Variants in RORA observed in about 807,000 individuals in gnomAD.
The protein encoded by RORA is RAR related orphan receptor A.
Under a neutral mutation model 69.5 loss-of-function variants are expected in RORA, and 7 were observed. The observed-to-expected ratio is 0.10, with a 90% confidence interval of 0.06 to 0.19. The LOEUF (loss-of-function observed/expected upper bound fraction) is 0.19. Ranked by LOEUF, RORA falls within the 10% of genes least tolerant of loss-of-function variation. RORA has a pLI of 1.00. For missense variants in RORA, 457 were observed against 663.0 expected, an observed-to-expected ratio of 0.69 and a Z score of 3.41; for synonymous variants, 261 against 240.8, an observed-to-expected ratio of 1.08 and a Z score of -0.78.
chr15:60,500,053 A>G, intron 9 of RORA, 49 bp from the exon 10 acceptor site: 1 of 1,154,116 alleles, frequency 8.7e-7, no homozygotes, highest in Non-Finnish European at 1.3e-6. Flanking sequence ...ACATGGTGTC[A>G]GGATCCTTCT....
chr15:60,850,218 C>T (rs1359729234), intron 1 of RORA, among the ~76,000 whole-genome samples: 4 of 152,152 alleles, frequency 2.6e-5, no homozygotes, highest in Non-Finnish European at 5.9e-5. Context: ...AAATAACATG[C>T]AGCTCCTCCA....
At chr15:60,668,524 T>C (rs1445851438) in intron 2 of RORA, among the ~76,000 whole-genome samples, 1 of 152,112 alleles carries the variant, frequency 6.6e-6, no homozygotes, top group Non-Finnish European at 1.5e-5. Context: ...GTTAAGTTAT[T>C]AGGAAGTTTC....
chr15:60,938,733 T>TA (rs989274138), intron 1 of RORA, among the ~76,000 whole-genome samples: 18 of 69,490 alleles, frequency 2.6e-4, no homozygotes, highest in South Asian at 1.7e-3. Flanking sequence ...AGACCTCATC[T>TA]AAAAAAAATT....
intron 2 of RORA, among the ~76,000 whole-genome samples, chr15:60,663,754 C>T (rs1246629115): frequency 6.6e-6 from 1 of 152,146 alleles, no homozygotes; most frequent in African/African-American, 2.4e-5. Flanking sequence ...CACACCTGGC[C>T]ACAATATGAG....
intron 3 of RORA, among the ~76,000 whole-genome samples, chr15:60,516,053 A>ATTTATATATATT (rs2065897810): frequency 5.1e-5 from 1 of 19,490 alleles, no homozygotes; most frequent in Non-Finnish European, 8.2e-5. Flanking sequence ...ATATTTATAT[A>ATTTATATATATT]TATTTATATA....
At chr15:60,556,546 T>C (rs529324754) in intron 2 of RORA, among the ~76,000 whole-genome samples, 1 of 152,320 alleles carries the variant, frequency 6.6e-6, no homozygotes, top group Admixed American at 6.5e-5. Context: ...CTATTCTGAG[T>C]GTCCAGGCTA....
chr15:61,035,166 C>T (rs77560566), intron 1 of RORA, among the ~76,000 whole-genome samples: 1 of 151,902 alleles, frequency 6.6e-6, no homozygotes. Flanking sequence ...CATTTTTTTC[C>T]CCTTCCAGCC....
At chr15:61,142,158 T>G (rs950765786) in intron 1 of RORA, among the ~76,000 whole-genome samples, 1 of 149,942 alleles carries the variant, frequency 6.7e-6, no homozygotes, top group East Asian at 2.0e-4. Context: ...TTTTTTTTTT[T>G]ATTGTTGTTA....
intron 2 of RORA, among the ~76,000 whole-genome samples, chr15:60,656,040 A>T (rs2070216638): frequency 6.6e-6 from 1 of 152,234 alleles, no homozygotes; most frequent in Non-Finnish European, 1.5e-5. Context: ...AAACTGGAGA[A>T]ATTTAGATGA....
At chr15:60,630,982 TG>T (rs1032929054) in intron 2 of RORA, among the ~76,000 whole-genome samples, 2 of 143,268 alleles carry the variant, frequency 1.4e-5, no homozygotes. Flanking sequence ...CTCCACCTCC[TG>T]GGTTCAAGCG....
rs376761554 is a variant in RORA at position 60,600,263 on chromosome 15, C to A, written c.197-68412G>T. Among the ~76,000 whole-genome samples the A allele has an allele frequency of 3.3e-4, 50 of 152,324 alleles. 3 individuals are homozygous for A. The South Asian group carries it at 9.5e-3, about 29-fold the overall frequency. ...GGGCTTCATTGGGAAATCCAAATCT[C>A]GCAGCTAGGAGCGTTCCAGGAGCAA... On this transcript the variant is annotated intron_variant, in intron 2 of 10. Transcript: ENST00000335670.
At chr15:60,927,402 T>C (rs1892249310) in intron 1 of RORA, among the ~76,000 whole-genome samples, 1 of 152,226 alleles carries the variant, frequency 6.6e-6, no homozygotes, top group South Asian at 2.1e-4. Flanking sequence ...CATTATTAAA[T>C]AACACTTCTT....
chr15:60,624,128 G>T (rs1295952081), intron 2 of RORA, among the ~76,000 whole-genome samples: 1 of 152,090 alleles, frequency 6.6e-6, no homozygotes, highest in Non-Finnish European at 1.5e-5. Context: ...CATGAGGCCA[G>T]GCTGTGCTTT....
chr15:60,749,682 A>G (rs1299996042), intron 1 of RORA, among the ~76,000 whole-genome samples: 1 of 152,154 alleles, frequency 6.6e-6, no homozygotes, highest in Non-Finnish European at 1.5e-5. Context: ...CTGTTCCCTG[A>G]TTTTAGGCAC....
chr15:60,726,752 T>C (rs1399141261), intron 1 of RORA, among the ~76,000 whole-genome samples: 1 of 152,072 alleles, frequency 6.6e-6, no homozygotes, highest in Non-Finnish European at 1.5e-5. Context: ...GGTTAATAGC[T>C]CATAAAATAA....
chr15:60,535,010 G>A (rs1007343375), intron 2 of RORA, among the ~76,000 whole-genome samples: 1 of 152,206 alleles, frequency 6.6e-6, no homozygotes. Flanking sequence ...GAAGGAGGAA[G>A]ACAAAAATCC....
rs1349830599 is a variant in RORA at position 61,128,476 on chromosome 15, A to G, written c.166+100577T>C. On this transcript the variant is annotated intron_variant, in intron 1 of 10. Coordinates refer to ENST00000335670, the MANE Select transcript of RORA (RefSeq NM_134261.3). This position sits in a 1 kb window ranked among gnomAD's most constrained non-coding sequence, Gnocchi z 4.5. ...GGCCAGTCACTGGAATTCCCTGGGCATCCACACAAATGAATATAATTACAG... is the reference window on the plus strand; with the variant it reads ...GGCCAGTCACTGGAATTCCCTGGGCGTCCACACAAATGAATATAATTACAG... Among the ~76,000 whole-genome samples the G allele has an allele frequency of 1.3e-5, 2 of 152,174 alleles. No homozygotes were observed. Among genetic ancestry groups the G allele is most frequent in the African/African-American group, 2.4e-5 (1 of 41,436 alleles).
chr15:60,832,021 G>A (rs7175883), intron 1 of RORA, among the ~76,000 whole-genome samples: 15,761 of 152,176 alleles, frequency 0.1, 1,874 homozygotes, highest in African/African-American at 0.29. Flanking sequence ...TCAGCCACAC[G>A]AATGCCTGCT....
intron 1 of RORA, among the ~76,000 whole-genome samples, chr15:60,792,064 T>G (rs1319002374): frequency 6.6e-6 from 1 of 151,886 alleles, no homozygotes; most frequent in Non-Finnish European, 1.5e-5. Flanking sequence ...ATATACATAA[T>G]AAATGAACAG....
Sources: gnomAD v4.1 joint callset for allele counts (sites outside exome capture counted in the v4.1 genomes callset) on GRCh38, gnomAD v4.1.1 for gene constraint, Gnocchi (gnomAD v3.1) non-coding constraint, MANE v1.5 for transcripts, NCBI Gene and HGNC (gene_info 2026-07-23, HGNC 2026-07-21) for gene names.